The following TPST1 variants were observed in gnomAD, a reference collection of about 807,000 sequenced individuals.
TPST1 encodes the protein protein-tyrosine sulfotransferase 1.
In TPST1, 20 loss-of-function variants were observed where a neutral mutation model predicts 34.8. The observed-to-expected ratio is 0.57, with a 90% CI of 0.40 to 0.84. The LOEUF is 0.84. TPST1 is among the 40% of genes least tolerant of loss of function. The pLI, the probability that TPST1 is intolerant of heterozygous loss-of-function variation, is 0.00. For missense variants in TPST1, 353 were observed against 455.5 expected (o/e 0.78, Z 2.05); for synonymous variants, 152 against 159.4 (o/e 0.95, Z 0.35).
chr7:66,325,413 T>G (rs182030995), intron 3 of TPST1, among the ~76,000 whole-genome samples: 385 of 152,250 alleles, frequency 2.5e-3, no homozygotes, highest in Non-Finnish European at 3.5e-3. Flanking sequence ...TTTTCGTTGT[T>G]CCCTCATGAA....
chr7:66,328,906 AT>A (rs1172711561), intron 3 of TPST1, among the ~76,000 whole-genome samples: 10 of 13,150 alleles, frequency 7.6e-4, no homozygotes, highest in South Asian at 2.8e-3. Flanking sequence ...ATATATATAT[AT>A]TTTTTTTTTT....
chr7:66,231,640 GC>G (rs1789796899), intron 1 of TPST1, among the ~76,000 whole-genome samples: 1 of 152,254 alleles, frequency 6.6e-6, no homozygotes, highest in African/African-American at 2.4e-5. Flanking sequence ...CGAGTGCGGG[GC>G]CCGCCAAGTC....
intron 3 of TPST1, among the ~76,000 whole-genome samples, chr7:66,318,897 A>T (rs992762662): frequency 6.6e-6 from 1 of 152,182 alleles, no homozygotes; most frequent in Non-Finnish European, 1.5e-5. Flanking sequence ...TTCCATCAGC[A>T]CTTTGAAGAT....
chr7:66,266,504 A>T (rs192274192), intron 2 of TPST1, among the ~76,000 whole-genome samples: 3 of 152,346 alleles, frequency 2.0e-5, no homozygotes, highest in East Asian at 3.9e-4. Flanking sequence ...AACCCTACAA[A>T]TCCACTCCTA....
At position 66,240,860 on chromosome 7, in the gene TPST1, T is replaced by C; in HGVS notation, c.435T>C (p.Ile145=). The C allele has an allele frequency of 6.2e-7, 1 of 1,614,170 alleles. No homozygotes were observed. The change falls in exon 2 of 6, where the codon ATT becomes ATC. Residue 145 remains isoleucine, a synonymous_variant. Transcript: ENST00000304842. ...DSAMQAFLLE[I]IVKHGEPAPY... is the part of the protein sequence containing the mutation. The stretch of plus-strand genomic sequence containing the variant: ...CCATGCAAGCCTTCTTACTAGAAAT[T>C]ATCGTTAAGCATGGGGAGCCAGCCC...
intron 1 of TPST1, among the ~76,000 whole-genome samples, chr7:66,229,267 C>T (rs1458374301): frequency 1.3e-5 from 2 of 152,094 alleles, no homozygotes; most frequent in Non-Finnish European, 2.9e-5. Context: ...CCCGCCACCA[C>T]GCCCAGCTAA....
At chr7:66,214,623 C>T (rs1315642543) in intron 1 of TPST1, among the ~76,000 whole-genome samples, 2 of 150,764 alleles carry the variant, frequency 1.3e-5, no homozygotes, top group African/African-American at 4.9e-5. Flanking sequence ...CAAGACCAGC[C>T]TGGGTAACAT....
the TPST1 span, among the ~76,000 whole-genome samples, chr7:66,199,947 G>T: frequency 6.6e-6 from 1 of 151,786 alleles, no homozygotes; most frequent in Admixed American, 6.6e-5. Flanking sequence ...GGCCAGGATG[G>T]TCTTGATCTC....
rs530787958 is a variant in TPST1 at position 66,259,771 on chromosome 7, A to C, written c.845+18501A>C. On this transcript the variant is annotated intron_variant, in intron 2 of 5. Coordinates refer to ENST00000304842, the MANE Select transcript of TPST1 (RefSeq NM_003596.4). Reference sequence around the variant, plus strand: ...TTATATTGACACATTATTATAACCCAAAGTCCATAGTTTACATTAACGTTC... The same window carrying C: ...TTATATTGACACATTATTATAACCCCAAGTCCATAGTTTACATTAACGTTC... 7.9e-5 allele frequency among the ~76,000 whole-genome samples: 12 copies of C among 152,278 alleles called. No homozygotes were observed. The South Asian group carries it at 2.1e-3, about 26-fold the overall frequency.
At chr7:66,277,810 C>T (rs1244545025) in intron 2 of TPST1, among the ~76,000 whole-genome samples, 1 of 151,838 alleles carries the variant, frequency 6.6e-6, no homozygotes, top group Non-Finnish European at 1.5e-5. Flanking sequence ...TGAGAATAGA[C>T]CATAGAAATG....
chr7:66,207,057 C>G, intron 1 of TPST1, among the ~76,000 whole-genome samples: 2 of 152,170 alleles, frequency 1.3e-5, no homozygotes, highest in Non-Finnish European at 2.9e-5. Context: ...ATTCTTGCCA[C>G]CTTTGCTCTG....
chr7:66,270,051 T>C (rs1017907694), intron 2 of TPST1, among the ~76,000 whole-genome samples: 4 of 152,116 alleles, frequency 2.6e-5, no homozygotes, highest in Non-Finnish European at 5.9e-5. Flanking sequence ...ATTATAAAGT[T>C]AGTAGTCTCA....
chr7:66,347,326 C>T (rs1792377325), intron 3 of TPST1, among the ~76,000 whole-genome samples: 1 of 152,090 alleles, frequency 6.6e-6, no homozygotes, highest in Non-Finnish European at 1.5e-5. Flanking sequence ...CCTTGACTTA[C>T]TAAAGTGCTG....
chr7:66,296,539 A>G (rs1791202483), intron 3 of TPST1, among the ~76,000 whole-genome samples: 1 of 152,066 alleles, frequency 6.6e-6, no homozygotes, highest in Non-Finnish European at 1.5e-5. Flanking sequence ...ACCGTTAGCT[A>G]TGATATGAGA....
At position 66,240,451 on chromosome 7, in the gene TPST1, T is replaced by C. The variant is rs1271873090; in HGVS notation, c.26T>C (p.Leu9Ser). Residue 9 changes from leucine to serine, a missense_variant, in exon 2 of 6, where the codon TTA becomes TCA. Leu to Ser is a moderately radical substitution (Grantham distance 145). Coordinates refer to ENST00000304842, the MANE Select transcript of TPST1 (RefSeq NM_003596.4). ...ATGGTTGGAAAGCTGAAGCAGAACTTACTATTGGCATGTCTGGTGATTAGT... is the reference window on the plus strand; with the variant it reads ...ATGGTTGGAAAGCTGAAGCAGAACTCACTATTGGCATGTCTGGTGATTAGT... MVGKLKQN[L>S]LLACLVISSV... 2 of 1,613,896 alleles carry C rather than the reference T, an allele frequency of 1.2e-6. No individual in the cohort carries two copies. The highest frequency in any genetic ancestry group is 1.7e-6 in the Non-Finnish European group (2 of 1,179,938).
intron 3 of TPST1, among the ~76,000 whole-genome samples, chr7:66,337,340 C>T (rs1030188495): frequency 7.2e-6 from 1 of 138,274 alleles, no homozygotes; most frequent in Non-Finnish European, 1.5e-5. Context: ...CAGAGCCTCG[C>T]TCTGTCACTC....
At chr7:66,356,998 C>G in intron 5 of TPST1, 127 bp downstream of exon 5, 1 of 818,528 alleles carries the variant, frequency 1.2e-6, no homozygotes, top group Non-Finnish European at 2.0e-6. Context: ...TGCCTCTTCA[C>G]TTTCTGTGTG....
At chr7:66,264,456 G>A (rs1450160508) in intron 2 of TPST1, among the ~76,000 whole-genome samples, 1 of 152,202 alleles carries the variant, frequency 6.6e-6, no homozygotes, top group African/African-American at 2.4e-5. Flanking sequence ...ACCTGGCTAA[G>A]TAGTGAAGGT....
intron 3 of TPST1, among the ~76,000 whole-genome samples, chr7:66,342,311 C>T (rs1414944173): frequency 1.3e-5 from 2 of 152,144 alleles, no homozygotes; most frequent in African/African-American, 4.8e-5. Context: ...CACAGATTAC[C>T]TCCAGAAACC....
Sources: allele counts gnomAD v4.1 joint callset (sites outside exome capture counted in the v4.1 genomes callset), GRCh38; gene constraint gnomAD v4.1.1; transcripts MANE v1.5; gene names NCBI Gene and HGNC (gene_info 2026-07-23, HGNC 2026-07-21).